The following NME9 variants were observed in gnomAD, a reference collection of about 807,000 sequenced individuals.
The protein encoded by NME9 is NME/NM23 family member 9, also known as thioredoxin domain-containing protein 6.
NME9 carries 48 observed loss-of-function variants against 44.4 expected under a neutral mutation model. That is an observed-to-expected ratio of 1.08 (90% CI 0.86 to 1.37). NME9 has a LOEUF of 1.37. Ranked by LOEUF, NME9 falls within the 40% of genes most tolerant of loss-of-function variation. The pLI is 0.00. For missense variants in NME9, 325 were observed against 405.2 expected (o/e 0.80, Z 1.70); for synonymous variants, 139 against 147.1 (o/e 0.94, Z 0.40).
intron 8 of NME9, chr3:138,272,958 T>C: frequency 1.9e-6 from 3 of 1,557,570 alleles, no homozygotes; most frequent in Non-Finnish European, 2.6e-6. Context: ...ACTTCTTTAA[T>C]CCTTTCAGAA....
intron 10 of NME9, among the ~76,000 whole-genome samples, chr3:138,302,644 T>C (rs1022034564): frequency 6.6e-6 from 1 of 152,194 alleles, no homozygotes; most frequent in African/African-American, 2.4e-5. Flanking sequence ...TTCTACTTCA[T>C]AGAGCAGTGG....
At chr3:138,306,917 G>GC (rs1299797011) in intron 6 of NME9, among the ~76,000 whole-genome samples, 1 of 152,192 alleles carries the variant, frequency 6.6e-6, no homozygotes, top group Non-Finnish European at 1.5e-5. Context: ...AGGCCTGGCT[G>GC]CCCTCACCCT....
downstream of NME9, among the ~76,000 whole-genome samples, chr3:138,299,251 C>A (rs1409619441): frequency 6.6e-6 from 1 of 152,160 alleles, no homozygotes; most frequent in Non-Finnish European, 1.5e-5. Flanking sequence ...GAGTGGACTA[C>A]TAAGCCACCT....
chr3:138,286,056 G>A (rs1380248733), intron 8 of NME9, among the ~76,000 whole-genome samples: 1 of 152,138 alleles, frequency 6.6e-6, no homozygotes, highest in Non-Finnish European at 1.5e-5. Flanking sequence ...CGATTCTCCT[G>A]CCTCAGCCTC....
At chr3:138,263,299 AGTAGCCACAGGGTGGCTCT>A (rs1264887528) in intron 8 of NME9, among the ~76,000 whole-genome samples, 12 of 152,264 alleles carry the variant, frequency 7.9e-5, no homozygotes, top group African/African-American at 2.9e-4. Context: ...TTGGTAAGAA[AGTAGCCACAGGGTGGCTCT>A]GTCCTAAGCC....
intron 8 of NME9, chr3:138,273,047 A>T (rs2108306408): frequency 6.2e-7 from 1 of 1,613,682 alleles, no homozygotes; most frequent in Non-Finnish European, 8.5e-7. Flanking sequence ...TCCGGTTATT[A>T]TCAGATTCAG....
intron 8 of NME9, among the ~76,000 whole-genome samples, chr3:138,284,858 A>G (rs1214030926): frequency 6.6e-6 from 1 of 152,156 alleles, no homozygotes; most frequent in Non-Finnish European, 1.5e-5. Flanking sequence ...CTTCAGTCCC[A>G]TGGTGGATGA....
chr3:138,323,446 G>C (rs2053590555), intron 2 of NME9, among the ~76,000 whole-genome samples: 1 of 152,020 alleles, frequency 6.6e-6, no homozygotes. Context: ...GTTGTGTTTA[G>C]AGTCTAGGAG....
chr3:138,292,778 G>A (rs1416603576), intron 8 of NME9, among the ~76,000 whole-genome samples: 2 of 152,170 alleles, frequency 1.3e-5, no homozygotes, highest in African/African-American at 4.8e-5. Context: ...GGAGCTGGAT[G>A]AAGTCTCTTA....
intron 8 of NME9, among the ~76,000 whole-genome samples, chr3:138,286,201 C>T (rs895328921): frequency 3.3e-5 from 5 of 152,186 alleles, no homozygotes; most frequent in African/African-American, 1.2e-4. Flanking sequence ...TCTCGGCCTC[C>T]CAAAGTGCTG....
chr3:138,275,201 G>A (rs2049158874), intron 8 of NME9, among the ~76,000 whole-genome samples: 1 of 152,192 alleles, frequency 6.6e-6, no homozygotes, highest in African/African-American at 2.4e-5. Context: ...CAGGACCAGA[G>A]ATACTGGCGA....
intron 8 of NME9, among the ~76,000 whole-genome samples, chr3:138,272,199 A>G (rs1192459033): frequency 6.6e-6 from 1 of 152,178 alleles, no homozygotes; most frequent in South Asian, 2.1e-4. Flanking sequence ...AACACCTACC[A>G]TAGTATTGTG....
At chr3:138,286,430 C>T (rs1326434382) in intron 8 of NME9, among the ~76,000 whole-genome samples, 1 of 152,200 alleles carries the variant, frequency 6.6e-6, no homozygotes, top group Admixed American at 6.5e-5. Flanking sequence ...ACCCCACTTA[C>T]AGCAGACTTC....
chr3:138,263,945 A>G (rs1178638389), intron 8 of NME9: 16 of 1,037,324 alleles, frequency 1.5e-5, no homozygotes, highest in Non-Finnish European at 2.0e-5. Context: ...AGGTGAATTC[A>G]TAGAGTATAT....
chr3:138,269,975 A>C, intron 8 of NME9: 1 of 1,072,260 alleles, frequency 9.3e-7, no homozygotes, highest in Non-Finnish European at 1.4e-6. Flanking sequence ...GCCAAGGTAT[A>C]TGCATGTTTA....
At chr3:138,296,244 G>A (rs1237597272), downstream of NME9, 2 of 194,890 alleles carry the variant, frequency 1.0e-5, no homozygotes, top group Non-Finnish European at 1.0e-5. Flanking sequence ...GCATGCGTGT[G>A]TATGTGCACG....
At chr3:138,289,061 T>A in intron 8 of NME9, 1 of 1,613,178 alleles carries the variant, frequency 6.2e-7, no homozygotes, top group Non-Finnish European at 8.5e-7. Context: ...CATTCACATG[T>A]TAAACTGCAG....
chr3:138,315,975 G>A lies in NME9; in HGVS notation c.268-332C>T, dbSNP rs538675876. ...GTCTCCTGAATAGCTGGAACTACAG[G>A]TGCCCGCCACCATGCCCGGCTAATT... On this transcript the variant is annotated intron_variant, in intron 4 of 10. Transcript: ENST00000333911. Among the ~76,000 whole-genome samples, 3 of 152,230 alleles carry A rather than the reference G, an allele frequency of 2.0e-5. No individual in the cohort carries two copies. The East Asian group carries it at 5.8e-4, about 29-fold the overall frequency.
At chr3:138,262,515 G>C (rs2108258738) in exon 9 of NME9, 2 of 1,608,928 alleles carry the variant, frequency 1.2e-6, no homozygotes, top group East Asian at 4.5e-5. Context: ...CATGTTCTAA[G>C]GTCAGACTTC....
Sources: allele counts gnomAD v4.1 joint callset (sites outside exome capture counted in the v4.1 genomes callset), GRCh38; gene constraint gnomAD v4.1.1; transcripts MANE v1.5; gene names NCBI Gene and HGNC (gene_info 2026-07-23, HGNC 2026-07-21).